Variants in MAGI1 observed in about 807,000 individuals in gnomAD.
MAGI1 encodes membrane associated guanylate kinase, WW and PDZ domain containing 1.
A neutral mutation model predicts 139.9 loss-of-function variants in MAGI1; 58 were observed. The ratio of observed to expected loss-of-function variants is 0.41; its 90% CI spans 0.34 to 0.52. MAGI1 has a LOEUF of 0.52. Ranked by LOEUF, MAGI1 falls within the 20% of genes least tolerant of loss-of-function variation. MAGI1 has a pLI of 0.12. For synonymous variants in MAGI1, 812 were observed against 737.9 expected, an observed-to-expected ratio of 1.10 and a Z score of -1.63; for missense variants, 1,874 against 1,901.6, an observed-to-expected ratio of 0.99 and a Z score of 0.27.
chr3:65,665,688 C>T (rs1160331226), intron 1 of MAGI1, among the ~76,000 whole-genome samples: 2 of 152,116 alleles, frequency 1.3e-5, no homozygotes, highest in African/African-American at 4.8e-5. Flanking sequence ...AACATAACTA[C>T]ACACAGACAC....
At chr3:65,965,370 C>A (rs958560245) in intron 1 of MAGI1, among the ~76,000 whole-genome samples, 2 of 152,154 alleles carry the variant, frequency 1.3e-5, no homozygotes, top group African/African-American at 4.8e-5. Context: ...ATGGAAACTT[C>A]ATATCACCTC....
intron 1 of MAGI1, among the ~76,000 whole-genome samples, chr3:65,855,917 G>A (rs776051079): frequency 8.6e-5 from 13 of 151,888 alleles, no homozygotes; most frequent in Non-Finnish European, 1.8e-4. Flanking sequence ...TCGCATGCCA[G>A]GCACCCCTGG....
intron 22 of MAGI1, chr3:65,359,219 T>C: frequency 6.3e-7 from 1 of 1,597,708 alleles, no homozygotes; most frequent in Admixed American, 1.7e-5. Flanking sequence ...AGAGAAAAAG[T>C]TGAACATTTA....
intron 1 of MAGI1, among the ~76,000 whole-genome samples, chr3:65,729,256 T>C (rs2033952096): frequency 2.6e-5 from 4 of 152,052 alleles, no homozygotes; most frequent in African/African-American, 9.7e-5. Context: ...TCTATTACAT[T>C]ATGTAAGCAT....
intron 1 of MAGI1, among the ~76,000 whole-genome samples, chr3:65,840,216 A>G (rs1204357186): frequency 6.6e-6 from 1 of 151,248 alleles, no homozygotes; most frequent in Non-Finnish European, 1.5e-5. Context: ...GCAAAGATGT[A>G]GTTTATTTCT....
At chr3:65,815,909 A>G (rs1233138672) in intron 1 of MAGI1, among the ~76,000 whole-genome samples, 1 of 152,206 alleles carries the variant, frequency 6.6e-6, no homozygotes, top group Admixed American at 6.5e-5. Flanking sequence ...CAACGCAGAG[A>G]TCTAACATAC....
At chr3:65,807,498 G>A (rs994735408) in intron 1 of MAGI1, among the ~76,000 whole-genome samples, 1 of 152,114 alleles carries the variant, frequency 6.6e-6, no homozygotes, top group African/African-American at 2.4e-5. Flanking sequence ...ACGATTCCGG[G>A]GCAGGAGAGG....
chr3:65,514,484 A>C (rs1215939522), intron 2 of MAGI1, among the ~76,000 whole-genome samples: 2 of 150,244 alleles, frequency 1.3e-5, no homozygotes, highest in South Asian at 2.1e-4. Context: ...CAACCCCATC[A>C]AAAACTGGGC....
intron 1 of MAGI1, among the ~76,000 whole-genome samples, chr3:66,011,040 T>G (rs896748107): frequency 6.6e-6 from 1 of 152,174 alleles, no homozygotes; most frequent in Non-Finnish European, 1.5e-5. Flanking sequence ...GGGACACCAA[T>G]TTGCCCAAAG....
rs74374132 is a variant in MAGI1 at position 65,779,444 on chromosome 3, C to A, written c.314-157356G>T. On this transcript the variant is annotated intron_variant, in intron 1 of 22. Coordinates refer to ENST00000402939, the MANE Select transcript of MAGI1 (RefSeq NM_001033057.2). Reference sequence around the variant, plus strand: ...ACTCAACTTTTTTCCAAAAATAATTCATCTTCAACCCAGCAATGCAGTTTT... The same window carrying A: ...ACTCAACTTTTTTCCAAAAATAATTAATCTTCAACCCAGCAATGCAGTTTT... Among the ~76,000 whole-genome samples the A allele has an allele frequency of 5.0e-3, 759 of 152,344 alleles. 5 individuals carry two copies. The highest frequency in any genetic ancestry group is 0.017 in the African/African-American group (727 of 41,572).
intron 22 of MAGI1, chr3:65,360,889 GA>G (rs1275137438): frequency 8.0e-7 from 1 of 1,252,518 alleles, no homozygotes; most frequent in African/African-American, 1.5e-5. Context: ...TGGATCTGAG[GA>G]ACAGTTTGGC....
chr3:65,928,147 T>C (rs1349812975), intron 1 of MAGI1, among the ~76,000 whole-genome samples: 1 of 152,202 alleles, frequency 6.6e-6, no homozygotes, highest in East Asian at 1.9e-4. Context: ...TGTTCACTGA[T>C]GCACCCCTGG....
At chr3:65,594,218 T>C (rs2082088066) in intron 2 of MAGI1, among the ~76,000 whole-genome samples, 1 of 152,212 alleles carries the variant, frequency 6.6e-6, no homozygotes, top group African/African-American at 2.4e-5. Context: ...ACTAGATTCT[T>C]GAAAAGCAAG....
At position 65,356,791 on chromosome 3, in the gene MAGI1, G is replaced by T; in HGVS notation, c.3976C>A (p.Arg1326=). The change falls in exon 23 of 23, where the codon CGG becomes AGG. Residue 1326 remains arginine, a synonymous_variant. Coordinates refer to ENST00000402939, the MANE Select transcript of MAGI1 (RefSeq NM_001033057.2). ...TCGGCGCTGCGGGTGCCCTCCCTCC[G>T]CTTCTCTGGGGACCGCCTCTTGGGG... ...NGPKRRSPEK[R]REGTRSADNT... The T allele has an allele frequency of 6.2e-7, 1 of 1,610,084 alleles. No individual in the cohort carries two copies. The highest frequency in any genetic ancestry group is 8.5e-7 in the Non-Finnish European group (1 of 1,177,840).
At chr3:66,005,611 G>A (rs1365209732) in intron 1 of MAGI1, among the ~76,000 whole-genome samples, 4 of 152,062 alleles carry the variant, frequency 2.6e-5, no homozygotes, top group Admixed American at 2.6e-4. Flanking sequence ...CCTTCCCCTT[G>A]TGTCTTACTA....
chr3:65,851,795 G>A (rs1319793342), intron 1 of MAGI1, among the ~76,000 whole-genome samples: 2 of 152,018 alleles, frequency 1.3e-5, no homozygotes, highest in Non-Finnish European at 2.9e-5. Flanking sequence ...ATACAAGATG[G>A]CCACATATGT....
chr3:65,721,019 G>A (rs1182042516), intron 1 of MAGI1, among the ~76,000 whole-genome samples: 1 of 152,014 alleles, frequency 6.6e-6, no homozygotes, highest in Non-Finnish European at 1.5e-5. Context: ...TGGGATTTCA[G>A]GTGTGAAATC....
At chr3:65,494,443 G>A (rs1490488898) in intron 2 of MAGI1, among the ~76,000 whole-genome samples, 3 of 152,074 alleles carry the variant, frequency 2.0e-5, no homozygotes, top group Non-Finnish European at 4.4e-5. Context: ...TGGAAGCAAT[G>A]AGCAGAATGT....
At chr3:65,939,355 T>C (rs1560034676) in intron 1 of MAGI1, among the ~76,000 whole-genome samples, 1 of 152,224 alleles carries the variant, frequency 6.6e-6, no homozygotes, top group Non-Finnish European at 1.5e-5. Flanking sequence ...GCAAGATCAT[T>C]ATTTCATAGT....
Sources: gnomAD v4.1 joint callset for allele counts (sites outside exome capture counted in the v4.1 genomes callset) on GRCh38, gnomAD v4.1.1 for gene constraint, MANE v1.5 for transcripts, NCBI Gene and HGNC (gene_info 2026-07-23, HGNC 2026-07-21) for gene names.